The following RGL1 variants were observed in gnomAD, a reference collection of about 807,000 sequenced individuals.
RGL1 encodes the protein ral guanine nucleotide dissociation stimulator-like 1.
In RGL1, 24 loss-of-function variants were observed where a neutral mutation model predicts 95.2. The ratio of observed to expected loss-of-function variants is 0.25; its 90% confidence interval spans 0.18 to 0.35. The LOEUF is 0.35. Among genes scored for constraint, RGL1 ranks in the 10% least tolerant of loss-of-function variants. RGL1 has a pLI of 1.00. For synonymous variants in RGL1, 329 were observed against 344.9 expected, an observed-to-expected ratio of 0.95 and a Z score of 0.51; for missense variants, 715 against 936.3, an observed-to-expected ratio of 0.76 and a Z score of 3.08.
At chr1:183,664,665 T>G (rs1651908552) in intron 1 of RGL1, among the ~76,000 whole-genome samples, 1 of 132,254 alleles carries the variant, frequency 7.6e-6, no homozygotes, top group Non-Finnish European at 1.6e-5. Flanking sequence ...AGTCTTAAGA[T>G]AAATGGGAAA....
chr1:183,829,781 C>A (rs1265765029), intron 2 of RGL1, among the ~76,000 whole-genome samples: 3 of 152,152 alleles, frequency 2.0e-5, no homozygotes, highest in Non-Finnish European at 4.4e-5. Flanking sequence ...GGCATTTGCA[C>A]ATGCTGTTCC....
At chr1:183,823,384 T>A (rs958560259) in intron 2 of RGL1, among the ~76,000 whole-genome samples, 1 of 152,222 alleles carries the variant, frequency 6.6e-6, no homozygotes, top group African/African-American at 2.4e-5. Flanking sequence ...ATTTTATTAG[T>A]CTTAGCTAAT....
At chr1:183,840,438 A>G (rs7535835) in intron 2 of RGL1, among the ~76,000 whole-genome samples, 13,710 of 152,130 alleles carry the variant, frequency 0.09, 659 homozygotes, top group South Asian at 0.11. Context: ...AGGCCTTCCA[A>G]TTCCTTTAGT....
chr1:183,656,011 A>T (rs1337545071), intron 1 of RGL1, among the ~76,000 whole-genome samples: 18 of 152,176 alleles, frequency 1.2e-4, no homozygotes, highest in Non-Finnish European at 1.5e-5. Context: ...AGCCGACCAG[A>T]CCAAACCAAA....
chr1:183,910,748 G>A (rs1321232100), intron 14 of RGL1, among the ~76,000 whole-genome samples: 2 of 152,120 alleles, frequency 1.3e-5, no homozygotes, highest in East Asian at 3.8e-4. Flanking sequence ...TGAGGTTTTA[G>A]TTTAAGTCAC....
intron 5 of RGL1, among the ~76,000 whole-genome samples, chr1:183,881,848 A>G (rs1666842101): frequency 6.6e-6 from 1 of 152,146 alleles, no homozygotes; most frequent in South Asian, 2.1e-4. Context: ...TACCAGGGGC[A>G]CTCCTCCAGC....
At position 183,805,264 on chromosome 1, in the gene RGL1, A is replaced by T. The variant is rs747177388; in HGVS notation, c.-34A>T. 1 of 1,609,854 alleles carries T rather than the reference A, an allele frequency of 6.2e-7. No homozygotes were observed. The highest frequency in any genetic ancestry group is 1.1e-5 in the South Asian group (1 of 90,124). On this transcript the variant is annotated 5_prime_UTR_variant, in exon 1 of 18. The change abolishes an upstream ATG in the 5' untranslated region. Transcript: ENST00000360851. ...CGTTGGCCTCCGAGCAGGGCGCATCATGCAGCGTTCGCGCACCGGAGAGAA... is the reference window on the plus strand; with the variant it reads ...CGTTGGCCTCCGAGCAGGGCGCATCTTGCAGCGTTCGCGCACCGGAGAGAA...
intron 1 of RGL1, among the ~76,000 whole-genome samples, chr1:183,708,682 T>C (rs1572309169): frequency 6.6e-6 from 1 of 152,198 alleles, no homozygotes; most frequent in African/African-American, 2.4e-5. Flanking sequence ...TGGACCAACA[T>C]TGGATCTTTG....
At chr1:183,872,114 A>G (rs936679007) in intron 4 of RGL1, among the ~76,000 whole-genome samples, 2 of 152,232 alleles carry the variant, frequency 1.3e-5, no homozygotes, top group African/African-American at 4.8e-5. Flanking sequence ...TTTCCTGCTG[A>G]CATTTTTACA....
intron 4 of RGL1, among the ~76,000 whole-genome samples, chr1:183,870,838 T>C (rs1666141550): frequency 6.6e-6 from 1 of 152,170 alleles, no homozygotes; most frequent in South Asian, 2.1e-4. Context: ...TCTCTTTTTA[T>C]AAGTAGCTGA....
chr1:183,712,377 C>T (rs888584180), intron 1 of RGL1, among the ~76,000 whole-genome samples: 22 of 152,192 alleles, frequency 1.4e-4, no homozygotes, highest in Admixed American at 2.0e-4. Flanking sequence ...AGGTTGTAAG[C>T]GATTCATTTT....
chr1:183,902,431 AGTAGTCGTAATTATAGGAT>A (rs1034282783), intron 11 of RGL1, 118 bp from the exon 12 acceptor site: 1 of 575,738 alleles, frequency 1.7e-6, no homozygotes, highest in Non-Finnish European at 2.9e-6. Flanking sequence ...CTTCTTCCAC[AGTAGTCGTAATTATAGGAT>A]CATTGATAAT....
intron 17 of RGL1, among the ~76,000 whole-genome samples, chr1:183,922,539 C>T (rs1470265951): frequency 6.6e-6 from 1 of 152,210 alleles, no homozygotes; most frequent in Non-Finnish European, 1.5e-5. Context: ...CTCCGATTCC[C>T]CAGCTCTTGT....
chr1:183,924,031 G>A (rs1320504494), intron 17 of RGL1, among the ~76,000 whole-genome samples: 1 of 152,064 alleles, frequency 6.6e-6, no homozygotes, highest in African/African-American at 2.4e-5. Context: ...TTACACTTGA[G>A]TGCTAAATAC....
At chr1:183,819,149 G>C (rs1197237837) in intron 2 of RGL1, among the ~76,000 whole-genome samples, 1 of 152,120 alleles carries the variant, frequency 6.6e-6, no homozygotes, top group African/African-American at 2.4e-5. Context: ...GGTATCTGAG[G>C]CCTATAATTG....
rs560865176 is a variant in RGL1, at chr1:183,760,582, A to C, written c.132+18293A>C. On this transcript the variant is annotated intron_variant, in intron 2 of 18. Transcript: ENST00000304685. ...TCCAGTCTCTGCAAAAAAAAAAAAA[A>C]AAAAAAAAAAACAAACCTGGGTGTG... is the stretch of plus-strand genomic sequence containing the variant. Among the ~76,000 whole-genome samples the C allele has an allele frequency of 7.4e-5, 11 of 149,362 alleles. 1 individual carries two copies. The South Asian group carries it at 1.1e-3, about 15-fold the overall frequency.
At chr1:183,773,985 A>G (rs1482399248) in intron 2 of RGL1, among the ~76,000 whole-genome samples, 1 of 151,686 alleles carries the variant, frequency 6.6e-6, no homozygotes, top group Admixed American at 6.6e-5. Flanking sequence ...TTCACATGGG[A>G]GTGCAGACAA....
chr1:183,697,266 C>T (rs1340196280), intron 1 of RGL1, among the ~76,000 whole-genome samples: 3 of 152,170 alleles, frequency 2.0e-5, no homozygotes, highest in African/African-American at 7.2e-5. Flanking sequence ...CTTTCCCTCC[C>T]AACCTTTTAA....
In RGL1 at chr1:183,912,128, G is replaced by A. The variant is rs907138271; in HGVS notation, c.1609G>A (p.Glu537Lys). 2 of 1,613,968 alleles carry A rather than the reference G, an allele frequency of 1.2e-6. No homozygotes were observed. The highest frequency in any genetic ancestry group is 3.3e-5 in the Admixed American group (2 of 59,996). The change falls in exon 15 of 18, where the codon GAG becomes AAG. Residue 537 changes from glutamate to lysine, a missense_variant. Coordinates refer to ENST00000360851, the MANE Select transcript of RGL1 (RefSeq NM_001297671.3). ...DMITSPTPTK[E>K]QPKSTASGSS... Reference sequence around the variant, plus strand: ...GATCACCAGTCCCACTCCCACCAAAGAGCAGCCCAAGTCCACTGCCAGCGG... The same window carrying A: ...GATCACCAGTCCCACTCCCACCAAAAAGCAGCCCAAGTCCACTGCCAGCGG...
Sources: allele counts gnomAD v4.1 joint callset (sites outside exome capture counted in the v4.1 genomes callset), GRCh38; gene constraint gnomAD v4.1.1; transcripts MANE v1.5; gene names NCBI Gene and HGNC (gene_info 2026-07-23, HGNC 2026-07-21).